Variants in SYNE2 observed in about 807,000 individuals in gnomAD.
SYNE2 encodes the protein nesprin-2.
SYNE2 carries 431 observed loss-of-function variants against 856.3 expected under a neutral mutation model. The ratio of observed to expected loss-of-function variants is 0.50; its 90% CI spans 0.47 to 0.55. The LOEUF (loss-of-function observed/expected upper bound fraction) is 0.55, where lower values mean the gene tolerates loss of function less well. Ranked by LOEUF, SYNE2 falls within the 20% of genes least tolerant of loss-of-function variation. The pLI, the probability that SYNE2 is intolerant of heterozygous loss-of-function variation, is 0.00. For missense variants in SYNE2, 8,129 were observed against 8,023.2 expected (o/e 1.01, Z -0.50); for synonymous variants, 2,923 against 2,872.3 (o/e 1.02, Z -0.56).
chr14:64,007,782 G>A (rs1458186584), intron 31 of SYNE2, among the ~76,000 whole-genome samples: 1 of 152,072 alleles, frequency 6.6e-6, no homozygotes, highest in Non-Finnish European at 1.5e-5. Flanking sequence ...AGGCTGGGGT[G>A]GCCGGATCAC....
intron 21 of SYNE2, among the ~76,000 whole-genome samples, chr14:63,991,710 T>TG (rs1361608044): frequency 1.3e-5 from 2 of 152,100 alleles, no homozygotes; most frequent in African/African-American, 4.8e-5. Context: ...GGGAGGTGCT[T>TG]GGGGGATTAG....
At chr14:64,045,645 G>T (rs1206524091) in intron 45 of SYNE2, among the ~76,000 whole-genome samples, 1 of 151,396 alleles carries the variant, frequency 6.6e-6, no homozygotes, top group Non-Finnish European at 1.5e-5. Context: ...TCGCCACAGT[G>T]TGCCTGAATA....
At chr14:64,139,352 A>G (rs949496744) in intron 79 of SYNE2, among the ~76,000 whole-genome samples, 1 of 150,728 alleles carries the variant, frequency 6.6e-6, no homozygotes, top group Non-Finnish European at 1.5e-5. Context: ...TTCATTGGGT[A>G]TACTTTTGTG....
chr14:64,209,215 T>G, intron 101 of SYNE2: 1 of 889,384 alleles, frequency 1.1e-6, no homozygotes, highest in South Asian at 1.7e-5. Context: ...CAGCCCTGTC[T>G]CCTGGTTTTT....
intron 1 of SYNE2, among the ~76,000 whole-genome samples, chr14:63,827,625 C>CAAAAAAAAAAAAAAACAAAAA (rs1889486919): frequency 3.6e-3 from 103 of 28,350 alleles, no homozygotes; most frequent in Non-Finnish European, 5.5e-3. Flanking sequence ...AACTCTGTCT[C>CAAAAAAAAAAAAAAACAAAAA]AAAAAAAAAA....
chr14:63,963,773 T>C (rs1254629661), intron 9 of SYNE2, 126 bp from the exon 10 acceptor site: 5 of 694,184 alleles, frequency 7.2e-6, no homozygotes, highest in Non-Finnish European at 1.0e-5. Context: ...AATTACTCTT[T>C]GGCATAATGA....
chr14:63,852,779 T>C (rs1295187679), upstream of SYNE2, among the ~76,000 whole-genome samples: 1 of 152,066 alleles, frequency 6.6e-6, no homozygotes, highest in Non-Finnish European at 1.5e-5. Flanking sequence ...CGAACCTGCA[T>C]TGCGAGGTGG....
chr14:64,083,987 C>T (rs922624478), intron 57 of SYNE2, among the ~76,000 whole-genome samples: 3 of 150,542 alleles, frequency 2.0e-5, no homozygotes, highest in African/African-American at 4.9e-5. Flanking sequence ...TGCAATGGTG[C>T]GATCTTGGCT....
intron 65 of SYNE2, among the ~76,000 whole-genome samples, chr14:64,110,961 G>A (rs2097801487): frequency 6.6e-6 from 1 of 151,990 alleles, no homozygotes; most frequent in Non-Finnish European, 1.5e-5. Flanking sequence ...ATTCTTTTCA[G>A]GTTCAAATAA....
intron 63 of SYNE2, 66 bp from the exon 64 acceptor site, chr14:64,101,866 G>T: frequency 8.3e-7 from 1 of 1,207,480 alleles, no homozygotes; most frequent in Non-Finnish European, 1.2e-6. Flanking sequence ...ACGTGAGTGA[G>T]TAGGGCACCG....
intron 16 of SYNE2, among the ~76,000 whole-genome samples, chr14:63,982,352 TAGCACTTAAG>T (rs2096591827): frequency 6.6e-6 from 1 of 152,064 alleles, no homozygotes; most frequent in Non-Finnish European, 1.5e-5. Flanking sequence ...ATTTGCCAGT[TAGCACTTAAG>T]AGGGAAGAGC....
intron 1 of SYNE2, among the ~76,000 whole-genome samples, chr14:63,843,197 AG>A (rs1566602361): frequency 6.6e-6 from 1 of 151,716 alleles, no homozygotes; most frequent in African/African-American, 2.4e-5. Context: ...CCACCATACC[AG>A]GCTAATTTTT....
rs948350404 is a variant in SYNE2, at chr14:64,125,346, A to G, written c.13554+136A>G. On this transcript the variant is annotated intron_variant, in intron 71 of 115. Transcript: ENST00000555002. ...AATGGAATGGGTCCTAGGATTGCAAATTGAATTGATCTTGCTTGCCAACTC... is the reference window on the plus strand; with the variant it reads ...AATGGAATGGGTCCTAGGATTGCAAGTTGAATTGATCTTGCTTGCCAACTC... 5 of 1,292,382 alleles carry G rather than the reference A, an allele frequency of 3.9e-6. No individual in the cohort carries two copies. The African/African-American group carries it at 5.9e-5, about 15-fold the overall frequency. The allele number at this position is 1,292,382 out of a possible 1,614,324, so 80.1% of individuals were successfully genotyped here.
At chr14:63,944,824 CTTTTTTTTTTTTTT>C (rs55906748) in intron 6 of SYNE2, among the ~76,000 whole-genome samples, 1 of 46,932 alleles carries the variant, frequency 2.1e-5, no homozygotes, top group Non-Finnish European at 3.6e-5. Context: ...GGGCTTAAAG[CTTTTTTTTTTTTTT>C]TTTTTTTTTT....
intron 1 of SYNE2, among the ~76,000 whole-genome samples, chr14:63,807,859 ATATAT>A (rs1888437853): frequency 1.0e-5 from 1 of 99,988 alleles, no homozygotes; most frequent in South Asian, 3.5e-4. Flanking sequence ...ATATATATAT[ATATAT>A]AATTTCAATA....
At chr14:64,209,673 C>T (rs1437722663) in intron 102 of SYNE2, 95 bp downstream of exon 102, 6 of 1,551,414 alleles carry the variant, frequency 3.9e-6, no homozygotes, top group Non-Finnish European at 5.2e-6. Context: ...AGCCAGCTTC[C>T]CCTCACCTCT....
chr14:64,188,573 T>C lies in SYNE2; in HGVS notation c.17736T>C (p.Ile5912=). 4 of 1,614,214 alleles carry C rather than the reference T, an allele frequency of 2.5e-6. No homozygotes were observed. The highest frequency in any genetic ancestry group is 3.4e-6 in the Non-Finnish European group (4 of 1,180,046). The change falls in exon 98 of 116, where the codon ATT becomes ATC. Residue 5912 remains isoleucine, a synonymous_variant. Coordinates refer to ENST00000555002, the MANE Select transcript of SYNE2 (RefSeq NM_182914.3). ...CLRVAIRKQE[I]EDRLNTWVVF... is the part of the protein sequence containing the mutation. The stretch of plus-strand genomic sequence containing the variant: ...AGGTGGCCATACGTAAACAGGAGAT[T>C]GAAGACAGACTCAATACATGGGTTG...
intron 11 of SYNE2, among the ~76,000 whole-genome samples, chr14:63,974,878 G>GTATATATA (rs1566949539): frequency 6.8e-5 from 2 of 29,350 alleles, no homozygotes; most frequent in African/African-American, 1.1e-4. Context: ...GTGTGTGTGT[G>GTATATATA]TGTGTGTGTG....
chr14:63,887,261 C>G (rs951858313), intron 1 of SYNE2, among the ~76,000 whole-genome samples: 1 of 151,110 alleles, frequency 6.6e-6, no homozygotes, highest in Non-Finnish European at 1.5e-5. Context: ...AGCTGGGCAA[C>G]AGAGTGAGAC....
Sources: allele counts gnomAD v4.1 joint callset (sites outside exome capture counted in the v4.1 genomes callset), GRCh38; gene constraint gnomAD v4.1.1; transcripts MANE v1.5; gene names NCBI Gene and HGNC (gene_info 2026-07-23, HGNC 2026-07-21).